Variants in RNF150 observed in about 807,000 individuals in gnomAD.
RNF150 encodes ring finger protein 150.
In RNF150, 24 loss-of-function variants were observed where a neutral mutation model predicts 39.3. The observed-to-expected ratio is 0.61, with a 90% CI of 0.44 to 0.86. The LOEUF is 0.86. Among genes scored for constraint, RNF150 ranks in the 40% least tolerant of loss-of-function variants. The pLI is 0.00. For missense variants in RNF150, 502 were observed against 587.8 expected, an observed-to-expected ratio of 0.85 and a Z score of 1.51; for synonymous variants, 255 against 227.3, an observed-to-expected ratio of 1.12 and a Z score of -1.10.
intron 1 of RNF150, among the ~76,000 whole-genome samples, chr4:140,992,416 C>T (rs1018039699): frequency 1.3e-5 from 2 of 151,786 alleles, no homozygotes; most frequent in Non-Finnish European, 2.9e-5. Flanking sequence ...AAAGAGTTAA[C>T]CAGGGAATGG....
intron 1 of RNF150, among the ~76,000 whole-genome samples, chr4:140,992,336 C>G (rs1027784186): frequency 2.0e-5 from 3 of 151,876 alleles, no homozygotes; most frequent in Non-Finnish European, 4.4e-5. Flanking sequence ...TGCCACTGCA[C>G]TCAAACCTGG....
intron 6 of RNF150, among the ~76,000 whole-genome samples, chr4:140,870,817 C>G (rs1384455037): frequency 6.6e-6 from 1 of 151,788 alleles, no homozygotes; most frequent in Non-Finnish European, 1.5e-5. Context: ...TTGTTATTGT[C>G]TCTTCTTGCA....
intron 1 of RNF150, among the ~76,000 whole-genome samples, chr4:141,156,000 G>A (rs1244105397): frequency 6.6e-6 from 1 of 150,990 alleles, no homozygotes; most frequent in Non-Finnish European, 1.5e-5. Context: ...GGAAGGAGGA[G>A]GAAAAAGGAG....
At chr4:141,019,232 T>G (rs1735395310) in intron 1 of RNF150, among the ~76,000 whole-genome samples, 1 of 151,710 alleles carries the variant, frequency 6.6e-6, no homozygotes, top group Non-Finnish European at 1.5e-5. Flanking sequence ...AATCACAGAA[T>G]GTAAATAAAA....
intron 2 of RNF150, among the ~76,000 whole-genome samples, chr4:140,954,210 T>G (rs1247949508): frequency 6.6e-6 from 1 of 151,966 alleles, no homozygotes; most frequent in Non-Finnish European, 1.5e-5. Flanking sequence ...AAATCATGCT[T>G]CTTCTTCTTA....
rs181029713 is a variant in RNF150 at position 141,183,878 on chromosome 4, G to A, written c.-6+28916C>T. ...CGGCAGAGTATTCCATGGTGTATAT[G>A]TGCCATATTTTCTTTATTTAGTCTA... On this transcript the variant is annotated intron_variant, in intron 1 of 7. Transcript: ENST00000420921. 9.9e-4 allele frequency among the ~76,000 whole-genome samples: 151 copies of A among 152,248 alleles called. 1 individual carries two copies. Among genetic ancestry groups the A allele is most frequent in the African/African-American group, 3.5e-3 (145 of 41,548 alleles).
In RNF150 at chr4:141,194,331, T is replaced by A. The variant is rs117800796; in HGVS notation, c.-6+18463A>T. Among the ~76,000 whole-genome samples, 956 of 152,334 alleles carry A rather than the reference T, an allele frequency of 6.3e-3. 46 individuals carry two copies. The East Asian group carries it at 0.13, about 20-fold the overall frequency. On this transcript the variant is annotated intron_variant, in intron 1 of 7. Coordinates refer to the RNF150 transcript ENST00000420921. ...AACATTGTAGCTAAGGACAAAGGAT[T>A]ATAAACTTTATATTACAGTATCTAG...
intron 1 of RNF150, among the ~76,000 whole-genome samples, chr4:140,975,808 G>T (rs142353186): frequency 6.6e-6 from 1 of 152,112 alleles, no homozygotes; most frequent in Non-Finnish European, 1.5e-5. Flanking sequence ...ATGAGGGCAG[G>T]CTCTCTGCAG....
intron 1 of RNF150, among the ~76,000 whole-genome samples, chr4:141,081,909 A>T (rs1738163989): frequency 6.6e-6 from 1 of 152,252 alleles, no homozygotes; most frequent in Non-Finnish European, 1.5e-5. Context: ...TTTAATTTTC[A>T]AAACCGTAAA....
chr4:140,999,612 A>G (rs957379023), intron 1 of RNF150, among the ~76,000 whole-genome samples: 1 of 152,152 alleles, frequency 6.6e-6, no homozygotes, highest in African/African-American at 2.4e-5. Flanking sequence ...ACTATGTCAG[A>G]TAACTGAACT....
chr4:141,066,981 G>A (rs778419713), intron 1 of RNF150, among the ~76,000 whole-genome samples: 4 of 152,056 alleles, frequency 2.6e-5, no homozygotes, highest in Admixed American at 2.6e-4. Flanking sequence ...TGTATAACAT[G>A]TTACTATACT....
At chr4:141,014,787 T>G (rs897476835) in intron 1 of RNF150, among the ~76,000 whole-genome samples, 1 of 101,646 alleles carries the variant, frequency 9.8e-6, no homozygotes, top group African/African-American at 3.4e-5. Flanking sequence ...GTTGTTCCTT[T>G]ACTTTGTTGT....
chr4:141,117,582 T>A (rs369733019), intron 1 of RNF150, among the ~76,000 whole-genome samples: 1 of 152,230 alleles, frequency 6.6e-6, no homozygotes, highest in Non-Finnish European at 1.5e-5. Context: ...TCTAGAACAC[T>A]CTACAATGTT....
chr4:141,050,610 G>A (rs1578671374), intron 1 of RNF150, among the ~76,000 whole-genome samples: 1 of 152,178 alleles, frequency 6.6e-6, no homozygotes, highest in East Asian at 1.9e-4. Flanking sequence ...AATCCAGCAG[G>A]GCAGTTGAAT....
chr4:140,975,048 G>T (rs887412559), intron 1 of RNF150, among the ~76,000 whole-genome samples: 1 of 152,086 alleles, frequency 6.6e-6, no homozygotes, highest in Admixed American at 6.6e-5. Context: ...TTCAGTTCAG[G>T]AGTTCGAGAC....
intron 2 of RNF150, among the ~76,000 whole-genome samples, chr4:140,949,777 C>T (rs917638910): frequency 5.3e-5 from 8 of 152,132 alleles, no homozygotes; most frequent in African/African-American, 1.9e-4. Context: ...GTGTCATCTC[C>T]TCTTTTTGAC....
intron 1 of RNF150, among the ~76,000 whole-genome samples, chr4:140,995,971 C>T (rs1346418806): frequency 6.6e-6 from 1 of 151,928 alleles, no homozygotes; most frequent in East Asian, 1.9e-4. Flanking sequence ...TACTGATTTC[C>T]TTTTTTGGGG....
At chr4:140,891,817 G>A (rs544619218) in intron 6 of RNF150, among the ~76,000 whole-genome samples, 13 of 152,258 alleles carry the variant, frequency 8.5e-5, no homozygotes, top group African/African-American at 2.4e-4. Flanking sequence ...CCTGAACTCC[G>A]CCTCCTGTCA....
chr4:141,089,851 A>G (rs186143822), intron 1 of RNF150, among the ~76,000 whole-genome samples: 5 of 152,350 alleles, frequency 3.3e-5, no homozygotes, highest in Non-Finnish European at 7.4e-5. Flanking sequence ...GCAAATCTAC[A>G]GCAACATGTC....
Sources: gnomAD v4.1 joint callset for allele counts (sites outside exome capture counted in the v4.1 genomes callset) on GRCh38, gnomAD v4.1.1 for gene constraint, MANE v1.5 for transcripts, NCBI Gene and HGNC (gene_info 2026-07-23, HGNC 2026-07-21) for gene names.